Variants in GNAQ observed in about 807,000 individuals in gnomAD.
The protein encoded by GNAQ is G protein subunit alpha q, also known as guanine nucleotide-binding protein G(q) subunit alpha.
Under a neutral mutation model 43.9 loss-of-function variants are expected in GNAQ, and 8 were observed. The ratio of observed to expected loss-of-function variants is 0.18; its 90% CI spans 0.11 to 0.33. The LOEUF (loss-of-function observed/expected upper bound fraction) is 0.33. GNAQ is among the 10% of genes least tolerant of loss of function. The probability of loss-of-function intolerance (pLI) is 1.00; values close to 1 mark genes in which losing one functional copy is unlikely to be tolerated. For synonymous variants in GNAQ, 155 were observed against 170.7 expected, an observed-to-expected ratio of 0.91 and a Z score of 0.71; for missense variants, 158 against 450.8, an observed-to-expected ratio of 0.35 and a Z score of 5.88.
rs1243014170 is a variant in GNAQ at position 77,986,551 on chromosome 9, G to C, written c.136+44549C>G. On this transcript the variant is annotated intron_variant, in intron 1 of 6. Coordinates refer to ENST00000286548, the MANE Select transcript of GNAQ (RefSeq NM_002072.5). The stretch of plus-strand genomic sequence containing the variant: ...GACAGGGTCTCGTTCTGTCGCCCAG[G>C]CTAGAGTGCAGTGGCATGATAACAG... Among the ~76,000 whole-genome samples the C allele has an allele frequency of 2.0e-5, 3 of 152,118 alleles. No homozygotes were observed. The East Asian group carries it at 5.8e-4, about 29-fold the overall frequency.
intron 2 of GNAQ, among the ~76,000 whole-genome samples, chr9:77,869,155 GTAA>G (rs1827996514): frequency 6.6e-6 from 1 of 151,792 alleles, no homozygotes; most frequent in Non-Finnish European, 1.5e-5. Flanking sequence ...CACTAACCAT[GTAA>G]GTAATTATTC....
chr9:77,788,043 C>G (rs773451909), intron 5 of GNAQ, among the ~76,000 whole-genome samples: 4 of 151,986 alleles, frequency 2.6e-5, no homozygotes, highest in Admixed American at 2.0e-4. Context: ...AAAAACAAAA[C>G]AAGACAAAAC....
intron 5 of GNAQ, among the ~76,000 whole-genome samples, chr9:77,738,927 A>C (rs1271900275): frequency 6.6e-6 from 1 of 151,950 alleles, no homozygotes; most frequent in Non-Finnish European, 1.5e-5. Context: ...CTGTACTTCT[A>C]CTGTGAAATA....
At chr9:77,857,857 G>C (rs944340041) in intron 2 of GNAQ, among the ~76,000 whole-genome samples, 1 of 135,410 alleles carries the variant, frequency 7.4e-6, no homozygotes, top group African/African-American at 2.7e-5. Context: ...AAAACATTTT[G>C]AGAAGGCAAT....
intron 5 of GNAQ, among the ~76,000 whole-genome samples, chr9:77,736,829 TAC>T (rs1201133326): frequency 1.3e-5 from 2 of 152,112 alleles, no homozygotes; most frequent in African/African-American, 4.8e-5. Flanking sequence ...TCCTAGAACT[TAC>T]AGAGGTAGGA....
intron 1 of GNAQ, among the ~76,000 whole-genome samples, chr9:78,028,248 C>G (rs1587468511): frequency 6.6e-6 from 1 of 151,948 alleles, no homozygotes; most frequent in East Asian, 1.9e-4. Flanking sequence ...GAAAATAATT[C>G]AAAATTTAAT....
At chr9:77,745,382 A>T (rs1433920861) in intron 5 of GNAQ, among the ~76,000 whole-genome samples, 2 of 152,178 alleles carry the variant, frequency 1.3e-5, no homozygotes, top group Non-Finnish European at 2.9e-5. Flanking sequence ...AGACCTAAGC[A>T]AACGCACCGC....
At chr9:77,957,379 C>A (rs1052057864) in intron 1 of GNAQ, among the ~76,000 whole-genome samples, 4 of 151,464 alleles carry the variant, frequency 2.6e-5, no homozygotes, top group African/African-American at 9.7e-5. Context: ...AAAACAAAAA[C>A]AAAAACAAAA....
intron 3 of GNAQ, among the ~76,000 whole-genome samples, chr9:77,806,045 A>G (rs1348428162): frequency 3.3e-5 from 5 of 152,182 alleles, no homozygotes; most frequent in Non-Finnish European, 7.3e-5. Flanking sequence ...GACAGATGCC[A>G]GGGCTGGGCT....
chr9:77,809,064 T>A (rs1329579988), intron 3 of GNAQ, among the ~76,000 whole-genome samples: 1 of 152,172 alleles, frequency 6.6e-6, no homozygotes, highest in African/African-American at 2.4e-5. Context: ...GAAATGCCTT[T>A]TGTTAAATTC....
intron 1 of GNAQ, among the ~76,000 whole-genome samples, chr9:77,952,563 C>G (rs1822995436): frequency 6.6e-6 from 1 of 152,104 alleles, no homozygotes; most frequent in Non-Finnish European, 1.5e-5. Flanking sequence ...TGCCTTAGAA[C>G]AGTTAAGAAA....
At chr9:77,815,576 A>C (rs765989899) in intron 3 of GNAQ, 40 bp downstream of exon 3, 2 of 1,374,788 alleles carry the variant, frequency 1.5e-6, no homozygotes, top group Non-Finnish European at 2.0e-6. Flanking sequence ...ACATGGAAGT[A>C]AAGAGAAAAA....
rs1477051625 is a variant in GNAQ, at chr9:77,965,830, A to T, written c.137-43485T>A. Among the ~76,000 whole-genome samples the T allele has an allele frequency of 3.5e-5, 5 of 141,836 alleles. No individual in the cohort carries two copies. In the East Asian group the frequency reaches 1.1e-3, roughly 30 times the overall value. The allele number at this position is 141,836 out of a possible 152,430, so 93.0% of individuals were successfully genotyped here. ...TCCAGCCATTCCAGTCCTTGGATTT[A>T]CTCCGAGCAAAAAAAAAAAAAAAAG... On this transcript the variant is annotated intron_variant, in intron 1 of 6. Coordinates refer to ENST00000286548, the MANE Select transcript of GNAQ (RefSeq NM_002072.5).
At chr9:78,016,099 A>C (rs1477375497) in intron 1 of GNAQ, among the ~76,000 whole-genome samples, 1 of 152,200 alleles carries the variant, frequency 6.6e-6, no homozygotes, top group Non-Finnish European at 1.5e-5. Flanking sequence ...CACATACAAA[A>C]ATCAACTCAA....
intron 2 of GNAQ, among the ~76,000 whole-genome samples, chr9:77,844,669 T>C (rs1827550424): frequency 6.6e-6 from 1 of 152,138 alleles, no homozygotes; most frequent in Non-Finnish European, 1.5e-5. Context: ...ACATTTTTTA[T>C]TTATTTTGTT....
intron 1 of GNAQ, among the ~76,000 whole-genome samples, chr9:77,999,092 C>CAAAAAAA (rs56358201): frequency 3.8e-5 from 2 of 52,574 alleles, no homozygotes; most frequent in African/African-American, 2.1e-4. Flanking sequence ...AACTCTGTCT[C>CAAAAAAA]AAAAAAAAAA....
chr9:77,926,873 C>T (rs76583702), intron 1 of GNAQ, among the ~76,000 whole-genome samples: 1,620 of 152,296 alleles, frequency 0.011, 22 homozygotes, highest in African/African-American at 0.036. Flanking sequence ...GAGAAGGCCA[C>T]TTCATCCAGT....
In GNAQ at chr9:77,719,110, A is replaced by G. The variant is rs549281547; in HGVS notation, c.*2213T>C. Reference sequence around the variant, plus strand: ...CGACGCTAGTACCGCTCTGTATGACAGTAAGGTTTTTTTTTTTTCTTCTTT... The same window carrying G: ...CGACGCTAGTACCGCTCTGTATGACGGTAAGGTTTTTTTTTTTTCTTCTTT... On this transcript the variant is annotated 3_prime_UTR_variant, in exon 7 of 7. Coordinates refer to ENST00000286548, the MANE Select transcript of GNAQ (RefSeq NM_002072.5). 1.6e-4 allele frequency: 38 copies of G among 231,634 alleles called. No individual in the cohort carries two copies. The highest frequency in any genetic ancestry group is 4.5e-4 in the Admixed American group (8 of 17,696). 14.3% of individuals were successfully genotyped at this position (231,634 alleles called of 1,614,324 possible). A position where few individuals can be genotyped will look rare whatever the true frequency, so the allele number is the denominator to read the frequency against.
chr9:77,983,109 C>T (rs555760593), intron 1 of GNAQ, among the ~76,000 whole-genome samples: 10 of 152,280 alleles, frequency 6.6e-5, no homozygotes, highest in Middle Eastern at 3.4e-3. Context: ...TTCTGCTGTA[C>T]TGGGGTAGAA....
Sources: gnomAD v4.1 joint callset for allele counts (sites outside exome capture counted in the v4.1 genomes callset) on GRCh38, gnomAD v4.1.1 for gene constraint, MANE v1.5 for transcripts, NCBI Gene and HGNC (gene_info 2026-07-23, HGNC 2026-07-21) for gene names.